The following UBXN4 variants were observed in gnomAD, a reference collection of about 807,000 sequenced individuals.
The protein encoded by UBXN4 is UBX domain protein 4, also known as UBX domain-containing protein 4.
Under a neutral mutation model 66.2 loss-of-function variants are expected in UBXN4, and 35 were observed. That is an observed-to-expected ratio of 0.53 (90% CI 0.40 to 0.70). The LOEUF (loss-of-function observed/expected upper bound fraction) is 0.70, where lower values mean the gene tolerates loss of function less well. UBXN4 is among the 30% of genes least tolerant of loss of function. UBXN4 has a pLI of 0.00. For synonymous variants in UBXN4, 203 were observed against 204.5 expected (o/e 0.99, Z 0.06); for missense variants, 533 against 599.8 (o/e 0.89, Z 1.16).
intron 12 of UBXN4, among the ~76,000 whole-genome samples, chr2:135,781,576 G>C (rs2077449109): frequency 6.6e-6 from 1 of 152,100 alleles, no homozygotes; most frequent in Non-Finnish European, 1.5e-5. Context: ...TGACATATAA[G>C]TATTGTGATT....
At chr2:135,766,259 G>A (rs2077347137) in intron 6 of UBXN4, among the ~76,000 whole-genome samples, 2 of 151,924 alleles carry the variant, frequency 1.3e-5, no homozygotes, top group Non-Finnish European at 2.9e-5. Context: ...ACAAACTTGC[G>A]TTTGTATTTC....
chr2:135,741,996 G>A lies in UBXN4; in HGVS notation c.67G>A (p.Val23Met), dbSNP rs761686220. ...GGCCAAAAGGAGCGGCGCGGTCTTC[G>A]TGGTGTTCGTGGCAGGTGAAGGAGG... ...ATAKRSGAVF[V>M]VFVAGDDEQS... is the part of the protein sequence containing the mutation. The change falls in exon 1 of 13, where the codon GTG becomes ATG. Residue 23 changes from valine to methionine, a missense_variant. Transcript: ENST00000272638. The A allele has an allele frequency of 6.8e-6, 11 of 1,613,270 alleles. No individual in the cohort carries two copies. The highest frequency in any genetic ancestry group is 6.7e-5 in the African/African-American group (5 of 74,860).
chr2:135,754,378 G>A (rs2077266792), intron 4 of UBXN4, 101 bp downstream of exon 4: 1 of 886,640 alleles, frequency 1.1e-6, no homozygotes, highest in Non-Finnish European at 1.8e-6. Flanking sequence ...CTGGAGTGCA[G>A]TGGTGTGATC....
chr2:135,747,784 G>C (rs550457635), intron 1 of UBXN4: 1 of 424,194 alleles, frequency 2.4e-6, no homozygotes, highest in South Asian at 1.7e-5. Context: ...ACAGGCATGC[G>C]CCACCACACC....
chr2:135,774,153 G>A (rs1467862527), intron 9 of UBXN4, among the ~76,000 whole-genome samples: 2 of 152,204 alleles, frequency 1.3e-5, no homozygotes, highest in Non-Finnish European at 2.9e-5. Context: ...AATGGTATAA[G>A]ATGAACATAC....
intron 7 of UBXN4, 99 bp from the exon 8 acceptor site, chr2:135,770,472 G>C (rs1187681612): frequency 7.7e-6 from 6 of 780,634 alleles, no homozygotes; most frequent in African/African-American, 1.8e-5. Context: ...TACATTTTAT[G>C]AAGTTTTATT....
intron 9 of UBXN4, among the ~76,000 whole-genome samples, chr2:135,775,171 T>C (rs1264983213): frequency 6.6e-6 from 1 of 152,236 alleles, no homozygotes; most frequent in African/African-American, 2.4e-5. Flanking sequence ...ATGTGGAGAA[T>C]TTGGAACCTT....
intron 10 of UBXN4, 102 bp downstream of exon 10, chr2:135,776,453 CCT>C (rs1239185140): frequency 2.0e-6 from 2 of 1,010,266 alleles, no homozygotes; most frequent in East Asian, 2.6e-5. Flanking sequence ...TGAATTGTGA[CCT>C]CTCCAGGAGG....
rs200237914 is a variant in UBXN4 at position 135,755,675 on chromosome 2, G to C, written c.492G>C (p.Lys164Asn). ...AGATACCACCCACTTCTGATACAAA[G>C]TCAGATACTGCAACAGGTAACTTTT... is the stretch of plus-strand genomic sequence containing the variant. ...LCEIPPTSDTKSDTATGGESA... is the reference protein window; with the variant it reads ...LCEIPPTSDTNSDTATGGESA... The change falls in exon 5 of 13, where the codon AAG becomes AAC. Residue 164 changes from lysine (K) to asparagine (N), a missense_variant. Transcript: ENST00000272638. The C allele has an allele frequency of 2.6e-6, 4 of 1,542,916 alleles. No individual in the cohort carries two copies. Among genetic ancestry groups the C allele is most frequent in the Non-Finnish European group, 3.5e-6 (4 of 1,142,826 alleles).
At chr2:135,748,498 G>A (rs1306133010) in intron 2 of UBXN4, 129 bp downstream of exon 2, 1 of 568,818 alleles carries the variant, frequency 1.8e-6, no homozygotes, top group African/African-American at 2.0e-5. Context: ...GGGAGACTGA[G>A]GTGGGAGGAT....
chr2:135,776,570 T>C (rs1316663494), intron 10 of UBXN4, among the ~76,000 whole-genome samples: 1 of 152,100 alleles, frequency 6.6e-6, no homozygotes, highest in Non-Finnish European at 1.5e-5. Context: ...TTGCTGATAT[T>C]GTATAATAGG....
intron 10 of UBXN4, among the ~76,000 whole-genome samples, chr2:135,777,765 C>G (rs999579026): frequency 1.1e-4 from 17 of 151,734 alleles, no homozygotes; most frequent in African/African-American, 4.1e-4. Context: ...CGCCTGTAAT[C>G]CCAGCTTCTC....
At chr2:135,782,481 A>G (rs757150974) in intron 12 of UBXN4, among the ~76,000 whole-genome samples, 2 of 152,238 alleles carry the variant, frequency 1.3e-5, no homozygotes, top group African/African-American at 4.8e-5. Context: ...TCTAATGCTT[A>G]TTAAGTCACT....
Position 135,753,726 on chromosome 2 carries a change from A to G in UBXN4, c.214+159A>G, listed in dbSNP as rs1441972654. On this transcript the variant is annotated intron_variant, in intron 3 of 12. Coordinates refer to ENST00000272638, the MANE Select transcript of UBXN4 (RefSeq NM_014607.4). ...AGTGTCCTCATTTAAAAAAAATGTT[A>G]TTATAGGAAATTTCAAACATATATA... is the stretch of plus-strand genomic sequence containing the variant. 6.4e-6 allele frequency: 4 copies of G among 627,736 alleles called. No homozygotes were observed. The South Asian group carries it at 9.4e-5, about 15-fold the overall frequency. The allele number at this position is 627,736 out of a possible 1,614,324, so 38.9% of individuals were successfully genotyped here.
At chr2:135,779,213 A>G in intron 11 of UBXN4, 134 bp downstream of exon 11, 5 of 940,034 alleles carry the variant, frequency 5.3e-6, no homozygotes, top group Non-Finnish European at 5.9e-6. Context: ...TCCAATAATT[A>G]GATGAATTTA....
intron 8 of UBXN4, among the ~76,000 whole-genome samples, chr2:135,771,779 T>G (rs2077385374): frequency 6.6e-6 from 1 of 152,068 alleles, no homozygotes; most frequent in Admixed American, 6.6e-5. Flanking sequence ...GTCAGGCTGG[T>G]CTGGAACTCC....
chr2:135,772,296 C>G, intron 8 of UBXN4, 124 bp from the exon 9 acceptor site: 1 of 1,199,284 alleles, frequency 8.3e-7, no homozygotes, highest in Non-Finnish European at 1.1e-6. Context: ...GCACTCCAGC[C>G]TTGATGACAC....
chr2:135,750,980 C>T (rs1270389127), intron 2 of UBXN4, among the ~76,000 whole-genome samples: 23 of 147,488 alleles, frequency 1.6e-4, no homozygotes, highest in Admixed American at 3.4e-4. Flanking sequence ...CTCAGCCTCC[C>T]GAGTAGCTGG....
intron 5 of UBXN4, among the ~76,000 whole-genome samples, chr2:135,756,437 T>C (rs917961299): frequency 3.9e-5 from 6 of 152,198 alleles, no homozygotes; most frequent in African/African-American, 1.4e-4. Flanking sequence ...CTTCCTTATA[T>C]TGAGCTGAAA....
Sources: allele counts gnomAD v4.1 joint callset (sites outside exome capture counted in the v4.1 genomes callset), GRCh38; gene constraint gnomAD v4.1.1; transcripts MANE v1.5; gene names NCBI Gene and HGNC (gene_info 2026-07-23, HGNC 2026-07-21).